GUF1: variants seen among roughly 807,000 people sequenced by gnomAD.
GUF1 encodes translation factor GUF1, mitochondrial.
GUF1 carries 78 observed loss-of-function variants against 82.4 expected under a neutral mutation model. That is an observed-to-expected ratio of 0.95 (90% CI 0.79 to 1.14). GUF1 has a LOEUF of 1.14. GUF1 is among the 50% of genes most tolerant of loss of function. The pLI is 0.00. For synonymous variants in GUF1, 279 were observed against 282.3 expected (o/e 0.99, Z 0.12); for missense variants, 814 against 798.2 (o/e 1.02, Z -0.24).
At chr4:44,680,367 A>G (rs1714691553) in intron 1 of GUF1, 74 bp from the exon 2 acceptor site, 1 of 627,626 alleles carries the variant, frequency 1.6e-6, no homozygotes, top group South Asian at 2.2e-5. Context: ...TTAAAAGAAT[A>G]TTCTTTGAAT....
Position 44,684,690 on chromosome 4 carries a change from T to C in GUF1, c.670-1269T>C, listed in dbSNP as rs1305986395. Among the ~76,000 whole-genome samples the C allele has an allele frequency of 2.6e-5, 4 of 152,094 alleles. 1 individual carries two copies. Among genetic ancestry groups the C allele is most frequent in the Non-Finnish European group, 5.9e-5 (4 of 67,968 alleles). ...GATTATGATCCAGGAGGAAACAATATACATAAAACATAACAGTTCATTGCT... is the reference window on the plus strand; with the variant it reads ...GATTATGATCCAGGAGGAAACAATACACATAAAACATAACAGTTCATTGCT... On this transcript the variant is annotated intron_variant, in intron 6 of 16. Coordinates refer to ENST00000281543, the MANE Select transcript of GUF1 (RefSeq NM_021927.3).
chr4:44,697,118 G>C (rs1240272864), intron 15 of GUF1, among the ~76,000 whole-genome samples: 1 of 152,118 alleles, frequency 6.6e-6, no homozygotes, highest in South Asian at 2.1e-4. Flanking sequence ...TTGTAATCAA[G>C]GTCACATCAT....
chr4:44,680,154 A>C (rs1714680075), intron 1 of GUF1, among the ~76,000 whole-genome samples: 1 of 152,080 alleles, frequency 6.6e-6, no homozygotes, highest in African/African-American at 2.4e-5. Context: ...TAGGTGTCTC[A>C]TGTTCTCCAT....
intron 8 of GUF1, 140 bp from the exon 9 acceptor site, chr4:44,687,863 ATAAT>A: frequency 3.2e-6 from 2 of 631,906 alleles, no homozygotes; most frequent in Non-Finnish European, 5.3e-6. Context: ...TCAGAGTTTG[ATAAT>A]TGATATGTAG....
At chr4:44,678,857 T>C (rs1039301332) in intron 1 of GUF1, 70 bp downstream of exon 1, 2 of 1,431,896 alleles carry the variant, frequency 1.4e-6, no homozygotes, top group African/African-American at 3.0e-5. Flanking sequence ...ATCTTGGACA[T>C]GTATAGGGCT....
At chr4:44,682,303 A>G (rs752605092) in intron 4 of GUF1, 31 bp from the exon 5 acceptor site, 5 of 1,248,648 alleles carry the variant, frequency 4.0e-6, no homozygotes, top group Non-Finnish European at 5.5e-6. Flanking sequence ...TAGAATGGTC[A>G]TCTCAGTATC....
At chr4:44,686,966 G>A (rs953991768) in intron 8 of GUF1, among the ~76,000 whole-genome samples, 15 of 151,760 alleles carry the variant, frequency 9.9e-5, no homozygotes, top group African/African-American at 3.4e-4. Context: ...ATCCTATATC[G>A]ATGTATTTGA....
chr4:44,697,911 A>G (rs1002090371), intron 16 of GUF1, among the ~76,000 whole-genome samples: 1 of 152,162 alleles, frequency 6.6e-6, no homozygotes, highest in African/African-American at 2.4e-5. Context: ...TTGGGAGGCC[A>G]AGATGGGCAG....
chr4:44,680,533 C>T lies in GUF1; in HGVS notation c.258C>T (p.Asp86=), dbSNP rs932605289. 2 of 1,605,262 alleles carry T rather than the reference C, an allele frequency of 1.2e-6. No homozygotes were observed. The highest frequency in any genetic ancestry group is 2.7e-5 in the African/African-American group (2 of 74,670). ...HVDHGKSTLA[D]RLLELTGTID... ...ATCATGGCAAAAGTACTTTAGCTGA[C>T]AGGCTCCTAGAACTTACAGGTATTT... is the stretch of plus-strand genomic sequence containing the variant. Residue 86 remains aspartate, a synonymous_variant, in exon 2 of 17, where the codon GAC becomes GAT. Transcript: ENST00000281543.
chr4:44,697,443 GTGTA>G lies in GUF1; in HGVS notation c.1872+5_1872+8del, dbSNP rs1715901488. On this transcript the variant is annotated splice_donor_variant and splice_donor_region_variant and coding_sequence_variant and intron_variant, in exon 16 of 17. Coordinates refer to ENST00000281543, the MANE Select transcript of GUF1 (RefSeq NM_021927.3). LOFTEE classifies it high-confidence loss of function. ...TATAGGAAAAACGTTTTGGCAAAAT[GTGTA>G]TGTATCTAGTTGTATTTATTCTACT... 6.5e-7 allele frequency: 1 copy of G among 1,539,978 alleles called. No individual in the cohort carries two copies. Among genetic ancestry groups the G allele is most frequent in the Non-Finnish European group, 8.9e-7 (1 of 1,123,668 alleles).
chr4:44,685,117 G>A (rs1055737734), intron 6 of GUF1, among the ~76,000 whole-genome samples: 2 of 152,132 alleles, frequency 1.3e-5, no homozygotes, highest in African/African-American at 2.4e-5. Flanking sequence ...GCATCAAGTA[G>A]TATATTCAAT....
intron 6 of GUF1, among the ~76,000 whole-genome samples, chr4:44,684,350 C>T (rs578180337): frequency 2.6e-4 from 39 of 152,120 alleles, no homozygotes; most frequent in African/African-American, 9.4e-4. Flanking sequence ...GAGAAAAGAG[C>T]ATGTGTAAAG....
intron 3 of GUF1, 41 bp from the exon 4 acceptor site, chr4:44,681,082 A>C (rs1166251627): frequency 6.6e-7 from 1 of 1,519,050 alleles, no homozygotes; most frequent in Admixed American, 1.7e-5. Flanking sequence ...TTCCTAAAAA[A>C]TTAACTCACA....
In GUF1 at chr4:44,678,800, TG is replaced by T; in HGVS notation, c.165+15del. 6.5e-7 allele frequency: 1 copy of T among 1,547,396 alleles called. No homozygotes were observed. Among genetic ancestry groups the T allele is most frequent in the Admixed American group, 2.1e-5 (1 of 46,998 alleles). The stretch of plus-strand genomic sequence containing the variant: ...CGCAGAATTCAAGGTGACTGCCCCC[TG>T]GAATCTGATTTAGCCAAGTTTTCAA... On this transcript the variant is annotated intron_variant, in intron 1 of 16. Coordinates refer to ENST00000281543, the MANE Select transcript of GUF1 (RefSeq NM_021927.3).
intron 10 of GUF1, 109 bp downstream of exon 10, chr4:44,689,518 G>A: frequency 8.1e-7 from 1 of 1,238,646 alleles, no homozygotes; most frequent in Non-Finnish European, 1.1e-6. Context: ...TATAAGTAAG[G>A]GAGGTATAAA....
At chr4:44,682,198 A>C (rs1714809113) in intron 4 of GUF1, 136 bp from the exon 5 acceptor site, 6 of 450,274 alleles carry the variant, frequency 1.3e-5, no homozygotes, top group Non-Finnish European at 2.1e-5. Flanking sequence ...GGGTAGCTAC[A>C]TGGCATTTTG....
At chr4:44,683,014 T>C (rs1302943185) in intron 5 of GUF1, among the ~76,000 whole-genome samples, 1 of 151,688 alleles carries the variant, frequency 6.6e-6, no homozygotes, top group Non-Finnish European at 1.5e-5. Context: ...AGCTAACTGC[T>C]TAAGTTTTTT....
At position 44,700,705 on chromosome 4, in the gene GUF1, G is replaced by A. The variant is rs1036527035; in HGVS notation, c.*2024G>A. 1.3e-5 allele frequency: 2 copies of A among 152,138 alleles called. No individual in the cohort carries two copies. The highest frequency in any genetic ancestry group is 4.8e-5 in the African/African-American group (2 of 41,432). The allele number at this position is 152,138 out of a possible 1,614,324, so 9.4% of individuals were successfully genotyped here. A position where few individuals can be genotyped will look rare whatever the true frequency, so the allele number is the denominator to read the frequency against. On this transcript the variant is annotated 3_prime_UTR_variant, in exon 17 of 17. Coordinates refer to ENST00000281543, the MANE Select transcript of GUF1 (RefSeq NM_021927.3). ...ACTTGAGAGCTGTCTCAGATATTTT[G>A]AGCTTACAGTTATTGTGAAATCATT...
chr4:44,685,849 G>C (rs1715013664), intron 6 of GUF1, 110 bp from the exon 7 acceptor site: 2 of 646,518 alleles, frequency 3.1e-6, no homozygotes, highest in East Asian at 5.5e-5. Context: ...TTCTCAAATT[G>C]ATAACTATTG....
Sources: gnomAD v4.1 joint callset for allele counts (sites outside exome capture counted in the v4.1 genomes callset) on GRCh38, gnomAD v4.1.1 for gene constraint, MANE v1.5 for transcripts, NCBI Gene and HGNC (gene_info 2026-07-23, HGNC 2026-07-21) for gene names.